MACF1: variants seen among roughly 807,000 people sequenced by gnomAD.
MACF1 encodes microtubule actin crosslinking factor 1, also known as microtubule-actin cross-linking factor 1.
In MACF1, 193 loss-of-function variants were observed where a neutral mutation model predicts 854.8. That is an observed-to-expected ratio of 0.23 (90% CI 0.20 to 0.25). The LOEUF is 0.25. Among genes scored for constraint, MACF1 ranks in the 10% least tolerant of loss-of-function variants. MACF1 has a pLI of 1.00. For missense variants in MACF1, 7,722 were observed against 8,929.1 expected (o/e 0.86, Z 5.45); for synonymous variants, 3,185 against 3,226.7 (o/e 0.99, Z 0.44).
intron 84 of MACF1, 110 bp from the exon 85 acceptor site, chr1:39,450,942 A>C: frequency 2.5e-6 from 3 of 1,191,400 alleles, no homozygotes; most frequent in Non-Finnish European, 3.6e-6. Flanking sequence ...CTAACATAGA[A>C]GTCACTCTCT....
rs1476581417 is a variant in MACF1 at position 39,388,648 on chromosome 1, C to T, written c.15806C>T (p.Ala5269Val). ...GTGGAAATCATCAACCAACAATTAG[C>T]AGATTTTAAAGTAAGTCTGAACCTT... ...TEVEIINQQL[A>V]DFKMFQKEQV... is the part of the protein sequence containing the mutation. Residue 5269 changes from alanine to valine, a missense_variant, in exon 58 of 101, where the codon GCA becomes GTA. Ala to Val is a moderately conservative substitution (Grantham distance 64). This residue lies in a region of MACF1 where 2,807 missense variants were observed against 3,235.8 expected (regional missense o/e 0.87). Coordinates refer to ENST00000564288, the MANE Select transcript of MACF1 (RefSeq NM_001394062.1). The T allele has an allele frequency of 1.3e-6, 2 of 1,567,370 alleles. No homozygotes were observed. Among genetic ancestry groups the T allele is most frequent in the East Asian group, 2.3e-5 (1 of 44,396 alleles).
intron 88 of MACF1, among the ~76,000 whole-genome samples, 191 bp from the exon 89 acceptor site, chr1:39,454,718 T>C (rs1365124896): frequency 6.6e-6 from 1 of 152,136 alleles, no homozygotes; most frequent in East Asian, 1.9e-4. Context: ...GAGAGTCACT[T>C]GAACCCGGGA....
intron 2 of MACF1, among the ~76,000 whole-genome samples, chr1:39,121,739 C>T (rs1040126137): frequency 5.9e-5 from 9 of 152,146 alleles, no homozygotes; most frequent in African/African-American, 1.9e-4. Flanking sequence ...TGAGCCACCG[C>T]GCCAGGCCAG....
intron 37 of MACF1, 81 bp downstream of exon 37, chr1:39,336,734 A>G: frequency 2.3e-6 from 3 of 1,296,872 alleles, no homozygotes; most frequent in Middle Eastern, 2.7e-4. Flanking sequence ...TACAGAGTTT[A>G]CATATGTGTA....
intron 6 of MACF1, among the ~76,000 whole-genome samples, chr1:39,267,418 A>G (rs951105770): frequency 3.3e-5 from 5 of 152,278 alleles, no homozygotes; most frequent in Admixed American, 6.5e-5. Flanking sequence ...TTTAGTAGAG[A>G]CGGGGTTTCA....
intron 2 of MACF1, among the ~76,000 whole-genome samples, chr1:39,194,895 T>C (rs2148253379): frequency 6.6e-6 from 1 of 152,146 alleles, no homozygotes; most frequent in African/African-American, 2.4e-5. Context: ...GGTCTTGCTA[T>C]GTTGCCCAGG....
chr1:39,386,423 G>A (rs1194432217), intron 57 of MACF1, among the ~76,000 whole-genome samples: 1 of 142,224 alleles, frequency 7.0e-6, no homozygotes, highest in Non-Finnish European at 1.5e-5. Flanking sequence ...ACCATGCCCA[G>A]CTGATTTTTT....
chr1:39,346,322 C>G (rs1208271049), intron 40 of MACF1, among the ~76,000 whole-genome samples: 1 of 150,470 alleles, frequency 6.6e-6, no homozygotes, highest in Non-Finnish European at 1.5e-5. Flanking sequence ...AGATGGCGCC[C>G]CTGTACTCCA....
intron 2 of MACF1, among the ~76,000 whole-genome samples, chr1:39,147,329 CCTT>C (rs921935938): frequency 8.1e-5 from 12 of 148,888 alleles, no homozygotes; most frequent in Admixed American, 1.4e-4. Flanking sequence ...TTCCTTCCTT[CCTT>C]TTCTTTTTCC....
At chr1:39,434,085 C>G (rs1643921434) in intron 68 of MACF1, among the ~76,000 whole-genome samples, 1 of 151,928 alleles carries the variant, frequency 6.6e-6, no homozygotes, top group Admixed American at 6.6e-5. Context: ...GTCTCAAAAA[C>G]ATATATAATA....
rs1449665816 is a variant in MACF1, at chr1:39,434,639, A to G, written c.17784+7A>G. 4 of 1,610,926 alleles carry G rather than the reference A, an allele frequency of 2.5e-6. No homozygotes were observed. In the South Asian group the frequency reaches 3.3e-5, roughly 13 times the overall value. On this transcript the variant is annotated splice_region_variant and intron_variant, in intron 69 of 100. Transcript: ENST00000564288. ...GCAACAAGAGGAAATGAGGGTAAGGAGCATGCCAAGTTTCATTTTATTGTT... is the reference window on the plus strand; with the variant it reads ...GCAACAAGAGGAAATGAGGGTAAGGGGCATGCCAAGTTTCATTTTATTGTT...
chr1:39,221,753 C>G (rs866298614), intron 1 of MACF1, among the ~76,000 whole-genome samples: 1 of 152,190 alleles, frequency 6.6e-6, no homozygotes, highest in African/African-American at 2.4e-5. Flanking sequence ...TTTCCTGCTG[C>G]CTCTGCCCTA....
At chr1:39,261,326 T>C (rs1053289902) in intron 6 of MACF1, among the ~76,000 whole-genome samples, 19 of 152,224 alleles carry the variant, frequency 1.2e-4, no homozygotes, top group Non-Finnish European at 4.4e-5. Flanking sequence ...AAAAAAACTT[T>C]ACTGAGGTGT....
At chr1:39,425,187 G>A (rs898294648) in intron 61 of MACF1, among the ~76,000 whole-genome samples, 3 of 151,530 alleles carry the variant, frequency 2.0e-5, no homozygotes, top group Non-Finnish European at 1.5e-5. Flanking sequence ...TGCCCACATC[G>A]ATCAGCATGC....
chr1:39,115,304 G>A (rs1642516183), intron 2 of MACF1, among the ~76,000 whole-genome samples: 1 of 151,894 alleles, frequency 6.6e-6, no homozygotes, highest in Non-Finnish European at 1.5e-5. Context: ...TGTGAAAATA[G>A]TAATGTAATA....
rs530899566 is a variant in MACF1, at chr1:39,335,497, G to T, written c.8909G>T (p.Arg2970Leu). Residue 2970 changes from arginine to leucine, a missense_variant, in exon 37 of 101, where the codon CGG (arginine) becomes CTG (leucine). Physicochemically the swap from Arg to Leu is moderately radical, Grantham distance 102. Coordinates refer to ENST00000564288, the MANE Select transcript of MACF1 (RefSeq NM_001394062.1). ...GTTTTGCAGCAACCAATGAATGCTC[G>T]GGTGAAAAGTAAGAGAGAGAAGAGG... ...EQVLQQPMNA[R>L]VKSKREKREV... is the part of the protein sequence containing the mutation. 1 of 1,614,090 alleles carries T rather than the reference G, an allele frequency of 6.2e-7. No individual in the cohort carries two copies. Among genetic ancestry groups the T allele is most frequent in the East Asian group, 2.2e-5 (1 of 44,872 alleles).
chr1:39,450,258 G>A (rs1382154071), intron 84 of MACF1, among the ~76,000 whole-genome samples: 1 of 151,910 alleles, frequency 6.6e-6, no homozygotes, highest in Non-Finnish European at 1.5e-5. Context: ...GCCTCCCAGA[G>A]TGCTGGGATT....
intron 97 of MACF1, among the ~76,000 whole-genome samples, chr1:39,474,689 A>G (rs1032526482): frequency 2.0e-5 from 3 of 152,156 alleles, no homozygotes; most frequent in Non-Finnish European, 4.4e-5. Context: ...ACAAGACTCC[A>G]TCTCAAAAAA....
intron 89 of MACF1, chr1:39,456,772 C>G (rs1307222695): frequency 6.6e-6 from 1 of 152,356 alleles, no homozygotes; most frequent in Non-Finnish European, 1.5e-5. Flanking sequence ...TTCCCTGTCT[C>G]ATCTCCTTTT....
Sources: allele counts gnomAD v4.1 joint callset (sites outside exome capture counted in the v4.1 genomes callset), GRCh38; gene constraint gnomAD v4.1.1; regional missense constraint gnomAD v4.1.1; transcripts MANE v1.5; gene names NCBI Gene and HGNC (gene_info 2026-07-23, HGNC 2026-07-21).